SPOCK1: variants seen among roughly 807,000 people sequenced by gnomAD.
SPOCK1 encodes testican-1.
In SPOCK1, 23 loss-of-function variants were observed where a neutral mutation model predicts 55.3. That is an observed-to-expected ratio of 0.42 (90% confidence interval 0.30 to 0.59). The LOEUF (loss-of-function observed/expected upper bound fraction) is 0.59. SPOCK1 is among the 20% of genes least tolerant of loss of function. The pLI, the probability that SPOCK1 is intolerant of heterozygous loss-of-function variation, is 0.22. For missense variants in SPOCK1, 499 were observed against 552.5 expected, an observed-to-expected ratio of 0.90 and a Z score of 0.97; for synonymous variants, 226 against 221.0, an observed-to-expected ratio of 1.02 and a Z score of -0.20.
At chr5:137,158,543 C>T (rs1207982030) in intron 3 of SPOCK1, among the ~76,000 whole-genome samples, 1 of 152,136 alleles carries the variant, frequency 6.6e-6, no homozygotes, top group Non-Finnish European at 1.5e-5. Flanking sequence ...CACACTGAAC[C>T]TTAATACTGT....
At chr5:137,410,204 T>G (rs1286662314) in intron 2 of SPOCK1, among the ~76,000 whole-genome samples, 2 of 152,258 alleles carry the variant, frequency 1.3e-5, no homozygotes, top group African/African-American at 4.8e-5. Flanking sequence ...TCACAGGCAC[T>G]TAATCAAGGT....
intron 2 of SPOCK1, among the ~76,000 whole-genome samples, chr5:137,371,350 A>G (rs1751197222): frequency 6.6e-6 from 1 of 152,198 alleles, no homozygotes; most frequent in African/African-American, 2.4e-5. Flanking sequence ...AAAGAAATAC[A>G]TGAGAAGCAC....
At chr5:137,029,217 T>G (rs1413453489) in intron 6 of SPOCK1, among the ~76,000 whole-genome samples, 1 of 152,214 alleles carries the variant, frequency 6.6e-6, no homozygotes, top group Non-Finnish European at 1.5e-5. Context: ...TTTGAGAACT[T>G]GCTTCATGTG....
At chr5:137,205,828 C>G (rs1430388873) in intron 3 of SPOCK1, among the ~76,000 whole-genome samples, 1 of 152,232 alleles carries the variant, frequency 6.6e-6, no homozygotes, top group East Asian at 1.9e-4. Context: ...TTGCATAGCA[C>G]TTACATGTAC....
In SPOCK1 at chr5:137,263,940, G is replaced by A. The variant is rs1385182001; in HGVS notation, c.232+3070C>T. On this transcript the variant is annotated intron_variant, in intron 3 of 10. Coordinates refer to ENST00000394945, the MANE Select transcript of SPOCK1 (RefSeq NM_004598.4). ...ACTGCCTTAGAGTCAATTACATGATGATAGCACTCGCTCCATGAAGCCCTG... is the reference window on the plus strand; with the variant it reads ...ACTGCCTTAGAGTCAATTACATGATAATAGCACTCGCTCCATGAAGCCCTG... Among the ~76,000 whole-genome samples, 7 of 152,282 alleles carry A rather than the reference G, an allele frequency of 4.6e-5. No homozygotes were observed. In the South Asian group the frequency reaches 1.5e-3, roughly 32 times the overall value.
intron 6 of SPOCK1, among the ~76,000 whole-genome samples, chr5:137,029,005 TG>T (rs563126965): frequency 6.6e-6 from 1 of 152,102 alleles, no homozygotes; most frequent in East Asian, 1.9e-4. Flanking sequence ...AGGGTGGTGG[TG>T]GGGGGCTGCC....
chr5:137,290,279 A>T (rs1344164198), intron 2 of SPOCK1, among the ~76,000 whole-genome samples: 2 of 152,226 alleles, frequency 1.3e-5, no homozygotes, highest in Non-Finnish European at 1.5e-5. Context: ...AAAAATTGCT[A>T]TGCATTACCA....
At chr5:137,275,679 TC>T (rs1351011267) in intron 2 of SPOCK1, among the ~76,000 whole-genome samples, 1 of 152,142 alleles carries the variant, frequency 6.6e-6, no homozygotes. Context: ...AGGGGCCTTC[TC>T]CCCCAGCTTC....
intron 3 of SPOCK1, among the ~76,000 whole-genome samples, chr5:137,184,721 G>T (rs1035819699): frequency 6.6e-6 from 1 of 152,098 alleles, no homozygotes; most frequent in South Asian, 2.1e-4. Context: ...TCTTCATGAG[G>T]ATCAGAAACA....
chr5:137,014,785 C>G (rs1448226805), intron 6 of SPOCK1, among the ~76,000 whole-genome samples: 2 of 152,158 alleles, frequency 1.3e-5, no homozygotes, highest in African/African-American at 4.8e-5. Context: ...GTCAGAATAT[C>G]TTTTATTTAG....
At chr5:137,311,231 A>G (rs1757784156) in intron 2 of SPOCK1, among the ~76,000 whole-genome samples, 1 of 152,154 alleles carries the variant, frequency 6.6e-6, no homozygotes, top group African/African-American at 2.4e-5. Flanking sequence ...GAACAAAAGC[A>G]CTGATCCCAG....
At chr5:137,319,559 C>T (rs972785145) in intron 2 of SPOCK1, among the ~76,000 whole-genome samples, 17 of 152,178 alleles carry the variant, frequency 1.1e-4, no homozygotes, top group African/African-American at 3.9e-4. Context: ...TATGCAATGC[C>T]ATAAAACTAT....
chr5:137,413,233 GT>G (rs893977667), intron 2 of SPOCK1, among the ~76,000 whole-genome samples: 10 of 151,898 alleles, frequency 6.6e-5, no homozygotes, highest in African/African-American at 1.2e-4. Flanking sequence ...TCTATTTTGG[GT>G]TTTTTTTCCC....
chr5:137,365,216 G>A (rs188765053), intron 2 of SPOCK1: 1 of 152,394 alleles, frequency 6.6e-6, no homozygotes, highest in East Asian at 1.9e-4. Flanking sequence ...CCTGAAAGCA[G>A]TGCTGTGGCC....
chr5:137,417,367 C>G (rs1299105760), intron 2 of SPOCK1, among the ~76,000 whole-genome samples: 4 of 120,412 alleles, frequency 3.3e-5, no homozygotes, highest in Non-Finnish European at 7.0e-5. Flanking sequence ...TTAAAAAAAT[C>G]AATTTTACTG....
intron 5 of SPOCK1, among the ~76,000 whole-genome samples, chr5:137,071,341 G>A (rs1752612667): frequency 6.6e-6 from 1 of 152,096 alleles, no homozygotes; most frequent in South Asian, 2.1e-4. Flanking sequence ...TAGAGATACA[G>A]ATACATGTGG....
intron 2 of SPOCK1, among the ~76,000 whole-genome samples, chr5:137,352,660 G>A (rs1047804781): frequency 7.2e-5 from 11 of 152,092 alleles, no homozygotes; most frequent in African/African-American, 2.7e-4. Flanking sequence ...AGGAGTGGAG[G>A]GAGAAGAAAG....
intron 3 of SPOCK1, among the ~76,000 whole-genome samples, chr5:137,216,004 C>G (rs958085664): frequency 1.3e-5 from 2 of 152,146 alleles, no homozygotes; most frequent in African/African-American, 4.8e-5. Context: ...CCCTCTTTTA[C>G]AGAAGCAAAT....
chr5:137,183,772 T>C (rs1755015474), intron 3 of SPOCK1, among the ~76,000 whole-genome samples: 1 of 152,152 alleles, frequency 6.6e-6, no homozygotes, highest in Non-Finnish European at 1.5e-5. Context: ...GTTGGCAAGT[T>C]GCTTAGCCTC....
Sources: gnomAD v4.1 joint callset for allele counts (sites outside exome capture counted in the v4.1 genomes callset) on GRCh38, gnomAD v4.1.1 for gene constraint, MANE v1.5 for transcripts, NCBI Gene and HGNC (gene_info 2026-07-23, HGNC 2026-07-21) for gene names.